SET: variants seen among roughly 807,000 people sequenced by gnomAD.
SET encodes the protein protein SET.
SET carries 4 observed loss-of-function variants against 39.0 expected under a neutral mutation model. The observed-to-expected ratio is 0.10, with a 90% CI of 0.05 to 0.23. The LOEUF (loss-of-function observed/expected upper bound fraction) is 0.23. Ranked by LOEUF, SET falls within the 10% of genes least tolerant of loss-of-function variation. The probability of loss-of-function intolerance (pLI) is 1.00; values close to 1 mark genes in which losing one functional copy is unlikely to be tolerated. For missense variants in SET, 137 were observed against 329.7 expected (o/e 0.42, Z 4.53); for synonymous variants, 114 against 115.9 (o/e 0.98, Z 0.11).
In SET at chr9:128,694,049, G is replaced by A; in HGVS notation, c.810+7G>A. 1 of 1,512,980 alleles carries A rather than the reference G, an allele frequency of 6.6e-7. No individual in the cohort carries two copies. Among genetic ancestry groups the A allele is most frequent in the Non-Finnish European group, 8.9e-7 (1 of 1,122,510 alleles). 93.7% of individuals were successfully genotyped at this position (1,512,980 alleles called of 1,614,324 possible). On this transcript the variant is annotated splice_region_variant and intron_variant, in intron 7 of 7. Transcript: ENST00000322030. Reference sequence around the variant, plus strand: ...TGAAGGGGAGGAAGGAGAGGTAAAAGAAAATTTGGCTAAACCCACAAAGAT... The same window carrying A: ...TGAAGGGGAGGAAGGAGAGGTAAAAAAAAATTTGGCTAAACCCACAAAGAT...
upstream of SET, chr9:128,689,192 G>T: frequency 2.2e-6 from 2 of 915,378 alleles, no homozygotes; most frequent in South Asian, 5.0e-5. Flanking sequence ...CATCCGCGCG[G>T]GGCCTGGCGC....
chr9:128,696,134 G>A lies in SET; in HGVS notation c.*1470G>A. On this transcript the variant is annotated 3_prime_UTR_variant, in exon 8 of 8. Coordinates refer to ENST00000322030, the MANE Select transcript of SET (RefSeq NM_003011.4). ...TGCAGAGAAGCACCCTAATGCATAA[G>A]CTTTTTAATGCTGTAAAATATAGTC... 1 of 217,536 alleles carries A rather than the reference G, an allele frequency of 4.6e-6. No individual in the cohort carries two copies. Among genetic ancestry groups the A allele is most frequent in the Non-Finnish European group, 9.4e-6 (1 of 106,842 alleles). The allele number at this position is 217,536 out of a possible 1,614,324, so 13.5% of individuals were successfully genotyped here.
Position 128,689,250 on chromosome 9 carries a change from A to C in SET, c.-333A>C, listed in dbSNP as rs1032801150. 427 of 1,001,680 alleles carry C rather than the reference A, an allele frequency of 4.3e-4. 4 individuals are homozygous for C. The highest frequency in any genetic ancestry group is 4.9e-4 in the Middle Eastern group (1 of 2,038). 62.0% of individuals were successfully genotyped at this position (1,001,680 alleles called of 1,614,324 possible). ...TCGCCGTAGGAGGAGGTGGAGGAGG[A>C]GGCGGCTCGGGAGAGCGAGCAGCGA... On this transcript the variant is annotated 5_prime_UTR_variant, in exon 1 of 8. Transcript: ENST00000322030.
exon 1 of SET, chr9:128,683,869 G>T: frequency 6.5e-7 from 1 of 1,534,656 alleles, no homozygotes. Flanking sequence ...GAGACTCGTG[G>T]TCTGGTTCTG....
chr9:128,689,534 T>C lies in SET; in HGVS notation c.-49T>C. The C allele has an allele frequency of 7.6e-6, 7 of 921,396 alleles. No individual in the cohort carries two copies. Among genetic ancestry groups the C allele is most frequent in the Admixed American group, 3.8e-5 (1 of 26,576 alleles). The allele number at this position is 921,396 out of a possible 1,614,324, so 57.1% of individuals were successfully genotyped here. ...AAGCCGCTTGCCCGCCCCCTTCGCC[T>C]TCCCTTCTCTCCCCCTCCCCGCTCC... On this transcript the variant is annotated 5_prime_UTR_variant, in exon 1 of 8. Coordinates refer to ENST00000322030, the MANE Select transcript of SET (RefSeq NM_003011.4).
chr9:128,685,228 A>G (rs1363127331), upstream of SET: 4 of 1,590,690 alleles, frequency 2.5e-6, no homozygotes, highest in Non-Finnish European at 2.6e-6. Flanking sequence ...GCCACATAAA[A>G]CAACTTGTGC....
At chr9:128,689,729 G>A in intron 1 of SET, 74 bp downstream of exon 1, 1 of 257,974 alleles carries the variant, frequency 3.9e-6, no homozygotes, top group Non-Finnish European at 5.9e-6. Flanking sequence ...GGCCGCCGGC[G>A]GGGCCCGGGG....
chr9:128,689,267 G>T lies in SET; in HGVS notation c.-316G>T, dbSNP rs965880770. ...GGAGGAGGAGGCGGCTCGGGAGAGC[G>T]AGCAGCGAGCTGGCTGGATCGCCGA... On this transcript the variant is annotated 5_prime_UTR_variant, in exon 1 of 8. Transcript: ENST00000322030. 44 of 1,008,484 alleles carry T rather than the reference G, an allele frequency of 4.4e-5. No individual in the cohort carries two copies. The African/African-American group carries it at 6.9e-4, about 16-fold the overall frequency. The allele number at this position is 1,008,484 out of a possible 1,614,324, so 62.5% of individuals were successfully genotyped here.
chr9:128,686,049 G>T (rs905616321), upstream of SET, among the ~76,000 whole-genome samples: 2 of 151,804 alleles, frequency 1.3e-5, no homozygotes, highest in African/African-American at 4.8e-5. Flanking sequence ...AACAACCAGA[G>T]GGGCCAGGAG....
upstream of SET, chr9:128,683,503 A>T (rs1421993631): frequency 4.2e-6 from 1 of 237,974 alleles, no homozygotes; most frequent in African/African-American, 2.2e-5. Flanking sequence ...AAAAAAGAGG[A>T]TAAGTTCTCA....
intron 3 of SET, chr9:128,692,357 C>A (rs1375901381): frequency 5.1e-6 from 1 of 197,170 alleles, no homozygotes; most frequent in Non-Finnish European, 9.0e-6. Context: ...AGATTGTGCG[C>A]TTTTGCATTC....
chr9:128,693,024 A>G (rs1242122300), intron 5 of SET, 43 bp downstream of exon 5: 2 of 1,345,472 alleles, frequency 1.5e-6, no homozygotes, highest in Admixed American at 1.8e-5. Context: ...CATTTTGCCT[A>G]TTTCAGTTTA....
rs1472331120 is a variant in SET at position 128,692,007 on chromosome 9, T to C, written c.274+7T>C. On this transcript the variant is annotated splice_region_variant and intron_variant, in intron 3 of 7. Coordinates refer to ENST00000322030, the MANE Select transcript of SET (RefSeq NM_003011.4). ...TTTGTCAACCATCCACAAGGTATGTTTTGGACAGGGCATTGTTAAAGGATA... is the reference window on the plus strand; with the variant it reads ...TTTGTCAACCATCCACAAGGTATGTCTTGGACAGGGCATTGTTAAAGGATA... 6.2e-7 allele frequency: 1 copy of C among 1,613,444 alleles called. No homozygotes were observed. Among genetic ancestry groups the C allele is most frequent in the African/African-American group, 1.3e-5 (1 of 74,876 alleles).
intron 1 of SET, among the ~76,000 whole-genome samples, 164 bp downstream of exon 1, chr9:128,689,819 G>C (rs1185369385): frequency 6.9e-6 from 1 of 144,714 alleles, no homozygotes; most frequent in East Asian, 2.1e-4. Context: ...TTTTGTGCGC[G>C]GCTGGGCTGG....
At chr9:128,691,047 C>T (rs747236003) in intron 1 of SET, 123 bp from the exon 2 acceptor site, 18 of 780,332 alleles carry the variant, frequency 2.3e-5, no homozygotes, top group Middle Eastern at 2.3e-4. Flanking sequence ...ACATGTGGAA[C>T]GCTTGCCTTT....
chr9:128,692,811 G>A lies in SET; in HGVS notation c.378+46G>A, dbSNP rs778374875. ...CTTGTTTGCCACTGTGGAAATTAAT[G>A]TGAGCTTTGGTTGGAAGACCTGTTC... On this transcript the variant is annotated intron_variant, in intron 4 of 7. Coordinates refer to ENST00000322030, the MANE Select transcript of SET (RefSeq NM_003011.4). The A allele has an allele frequency of 2.8e-5, 42 of 1,520,544 alleles. No homozygotes were observed. The Admixed American group carries it at 7.0e-4, about 25-fold the overall frequency. The allele number at this position is 1,520,544 out of a possible 1,614,324, so 94.2% of individuals were successfully genotyped here.
At chr9:128,683,841 T>A in exon 1 of SET, 2 of 1,453,186 alleles carry the variant, frequency 1.4e-6, no homozygotes, top group Middle Eastern at 2.4e-4. Context: ...GTGTTCAGCC[T>A]GCTTCCGGAC....
rs1237706076 is a variant in SET at position 128,689,407 on chromosome 9, G to A, written c.-176G>A. ...CCAGCCCGTCCCTCGGCGTCAGGCCGCGAGGGTAGCGCGCGCGAGCGAGCG... is the reference window on the plus strand; with the variant it reads ...CCAGCCCGTCCCTCGGCGTCAGGCCACGAGGGTAGCGCGCGCGAGCGAGCG... On this transcript the variant is annotated 5_prime_UTR_variant, in exon 1 of 8. Coordinates refer to ENST00000322030, the MANE Select transcript of SET (RefSeq NM_003011.4). 2.4e-6 allele frequency: 2 copies of A among 822,316 alleles called. No homozygotes were observed. Among genetic ancestry groups the A allele is most frequent in the Non-Finnish European group, 1.5e-6 (1 of 648,518 alleles). 50.9% of individuals were successfully genotyped at this position (822,316 alleles called of 1,614,324 possible).
intron 7 of SET, 45 bp from the exon 8 acceptor site, chr9:128,694,596 T>G (rs761335973): frequency 1.4e-6 from 2 of 1,449,566 alleles, no homozygotes; most frequent in Non-Finnish European, 1.9e-6. Flanking sequence ...TGAAAGCAAG[T>G]CTCAGCATTA....
Sources: gnomAD v4.1 joint callset for allele counts (sites outside exome capture counted in the v4.1 genomes callset) on GRCh38, gnomAD v4.1.1 for gene constraint, MANE v1.5 for transcripts, NCBI Gene and HGNC (gene_info 2026-07-23, HGNC 2026-07-21) for gene names.